The following DZIP1L variants were observed in gnomAD, a reference collection of about 807,000 sequenced individuals.
DZIP1L encodes the protein DAZ interacting zinc finger protein 1 like.
In DZIP1L, 90 loss-of-function variants were observed where a neutral mutation model predicts 88.7. The ratio of observed to expected loss-of-function variants is 1.02; its 90% CI spans 0.86 to 1.21. The LOEUF (loss-of-function observed/expected upper bound fraction) is 1.21, where lower values mean the gene tolerates loss of function less well. Among genes scored for constraint, DZIP1L ranks in the 50% most tolerant of loss-of-function variants. The pLI is 0.00. For synonymous variants in DZIP1L, 363 were observed against 372.1 expected (o/e 0.98, Z 0.28); for missense variants, 932 against 955.8 (o/e 0.98, Z 0.33).
intron 11 of DZIP1L, among the ~76,000 whole-genome samples, chr3:138,076,346 G>A (rs1317940359): frequency 6.6e-6 from 1 of 152,208 alleles, no homozygotes; most frequent in African/African-American, 2.4e-5. Context: ...CTATGGAAAA[G>A]TGTGGAGATT....
intron 2 of DZIP1L, chr3:138,101,535 C>G: frequency 1.3e-6 from 1 of 795,616 alleles, no homozygotes. Context: ...AAGTCTCTAT[C>G]TTCTTCACAA....
At chr3:138,110,897 A>T (rs2042608352) in intron 1 of DZIP1L, among the ~76,000 whole-genome samples, 2 of 152,266 alleles carry the variant, frequency 1.3e-5, no homozygotes, top group East Asian at 1.9e-4. Flanking sequence ...CCACAGTCAC[A>T]CAACTAGTAA....
At chr3:138,114,383 A>G (rs2042660227) in intron 1 of DZIP1L, among the ~76,000 whole-genome samples, 1 of 152,158 alleles carries the variant, frequency 6.6e-6, no homozygotes, top group South Asian at 2.1e-4. Flanking sequence ...ATCAAGTTAG[A>G]TAGTATCAAA....
At chr3:138,088,127 G>A (rs1376924237) in intron 6 of DZIP1L, among the ~76,000 whole-genome samples, 1 of 152,124 alleles carries the variant, frequency 6.6e-6, no homozygotes, top group Non-Finnish European at 1.5e-5. Flanking sequence ...AATCAGAATG[G>A]GGCAAAGGTG....
intron 8 of DZIP1L, among the ~76,000 whole-genome samples, chr3:138,083,405 A>G (rs1943762964): frequency 6.6e-6 from 1 of 152,204 alleles, no homozygotes; most frequent in Non-Finnish European, 1.5e-5. Context: ...AGCCTGGTCC[A>G]TGAGGTGGGT....
chr3:138,106,569 C>G (rs940647070), intron 1 of DZIP1L, among the ~76,000 whole-genome samples: 1 of 151,932 alleles, frequency 6.6e-6, no homozygotes, highest in Admixed American at 6.6e-5. Context: ...CGCAGTGGCT[C>G]ACGCCTGTAA....
intron 1 of DZIP1L, among the ~76,000 whole-genome samples, chr3:138,106,831 C>CA (rs1441738524): frequency 2.1e-5 from 3 of 140,554 alleles, no homozygotes; most frequent in South Asian, 2.4e-4. Context: ...GACTCCGTCT[C>CA]AAAAAAAAGT....
At chr3:138,067,420 A>G in intron 14 of DZIP1L, 111 bp downstream of exon 14, 1 of 1,270,168 alleles carries the variant, frequency 7.9e-7, no homozygotes, top group Non-Finnish European at 1.1e-6. Flanking sequence ...GAGATGTCAA[A>G]TAAGAAAGCC....
chr3:138,114,428 A>G (rs904747483), intron 1 of DZIP1L, among the ~76,000 whole-genome samples: 8 of 152,158 alleles, frequency 5.3e-5, no homozygotes, highest in Non-Finnish European at 1.2e-4. Flanking sequence ...TCTGACCAAG[A>G]CAGTCAGAAG....
At chr3:138,080,422 T>G in intron 10 of DZIP1L, 145 bp downstream of exon 10, 1 of 787,152 alleles carries the variant, frequency 1.3e-6, no homozygotes, top group African/African-American at 1.7e-5. Flanking sequence ...ACAGAAGGTG[T>G]TAAGAAATAT....
chr3:138,071,393 C>T (rs1405401466), intron 12 of DZIP1L, among the ~76,000 whole-genome samples: 3 of 152,184 alleles, frequency 2.0e-5, no homozygotes, highest in Admixed American at 1.3e-4. Flanking sequence ...TGACAACAGG[C>T]TCCAGCTCCG....
intron 4 of DZIP1L, 66 bp downstream of exon 4, chr3:138,094,796 G>A: frequency 1.3e-6 from 2 of 1,594,860 alleles, no homozygotes; most frequent in Non-Finnish European, 1.7e-6. Flanking sequence ...TGGGATTCAT[G>A]TGCATCAAGG....
intron 2 of DZIP1L, chr3:138,102,597 G>T: frequency 1.4e-6 from 2 of 1,466,164 alleles, no homozygotes; most frequent in East Asian, 2.3e-5. Flanking sequence ...ACCATACCTT[G>T]TCTATGAAGG....
chr3:138,085,804 A>G (rs558931711), intron 7 of DZIP1L, among the ~76,000 whole-genome samples: 1 of 152,362 alleles, frequency 6.6e-6, no homozygotes, highest in East Asian at 1.9e-4. Context: ...AGACACACGC[A>G]CACGTATGTT....
At chr3:138,098,853 A>G (rs1944595045) in intron 2 of DZIP1L, among the ~76,000 whole-genome samples, 1 of 152,246 alleles carries the variant, frequency 6.6e-6, no homozygotes, top group African/African-American at 2.4e-5. Flanking sequence ...TTGTGATACA[A>G]TAAGAATGTA....
intron 12 of DZIP1L, chr3:138,068,908 C>T (rs974259791): frequency 2.1e-5 from 26 of 1,253,524 alleles, no homozygotes; most frequent in African/African-American, 3.1e-5. Flanking sequence ...GCCACAAGAG[C>T]GGTCCCGGAT....
chr3:138,099,340 A>T (rs1478993930), intron 2 of DZIP1L, among the ~76,000 whole-genome samples: 1 of 152,160 alleles, frequency 6.6e-6, no homozygotes, highest in East Asian at 1.9e-4. Flanking sequence ...GCTATCATTA[A>T]TGTTAGTGTA....
At chr3:138,069,078 T>C in intron 12 of DZIP1L, 1 of 1,087,750 alleles carries the variant, frequency 9.2e-7, no homozygotes, top group Non-Finnish European at 1.3e-6. Flanking sequence ...TGAACAGCCA[T>C]GGGTCCACTT....
intron 12 of DZIP1L, chr3:138,069,095 G>A: frequency 1.1e-6 from 1 of 925,726 alleles, no homozygotes; most frequent in East Asian, 2.8e-5. Context: ...ACTTATACGT[G>A]GATTTTCTTC....
Sources: allele counts gnomAD v4.1 joint callset (sites outside exome capture counted in the v4.1 genomes callset), GRCh38; gene constraint gnomAD v4.1.1; transcripts MANE v1.5; gene names NCBI Gene and HGNC (gene_info 2026-07-23, HGNC 2026-07-21).